RSRC1: variants seen among roughly 807,000 people sequenced by gnomAD.
RSRC1 encodes the protein arginine and serine rich coiled-coil 1.
Under a neutral mutation model 49.1 loss-of-function variants are expected in RSRC1, and 39 were observed. That is an observed-to-expected ratio of 0.79 (90% CI 0.61 to 1.04). The LOEUF is 1.04. RSRC1 is among the 50% of genes least tolerant of loss of function. RSRC1 has a pLI of 0.00. For synonymous variants in RSRC1, 143 were observed against 130.8 expected (o/e 1.09, Z -0.63); for missense variants, 388 against 402.4 (o/e 0.96, Z 0.31).
At chr3:158,503,623 T>C (rs1355031097) in intron 7 of RSRC1, among the ~76,000 whole-genome samples, 1 of 152,038 alleles carries the variant, frequency 6.6e-6, no homozygotes, top group African/African-American at 2.4e-5. Context: ...CCTAGGAGGA[T>C]TATAGCTGCC....
intron 4 of RSRC1, among the ~76,000 whole-genome samples, chr3:158,209,184 A>C (rs1721518760): frequency 6.6e-6 from 1 of 152,150 alleles, no homozygotes; most frequent in South Asian, 2.1e-4. Flanking sequence ...TGGAAACTTG[A>C]TCCAAATTGC....
At chr3:158,451,000 G>A (rs1736995464) in intron 6 of RSRC1, among the ~76,000 whole-genome samples, 1 of 151,712 alleles carries the variant, frequency 6.6e-6, no homozygotes, top group African/African-American at 2.4e-5. Flanking sequence ...TTTTGCAATT[G>A]TGATGTTCTT....
chr3:158,310,980 G>C (rs1261054303), intron 5 of RSRC1, among the ~76,000 whole-genome samples: 2 of 151,656 alleles, frequency 1.3e-5, no homozygotes, highest in African/African-American at 4.8e-5. Context: ...CTCCTCGTTT[G>C]TCAGTTTCTA....
chr3:158,293,293 T>G (rs1445628782), intron 4 of RSRC1, among the ~76,000 whole-genome samples: 1 of 152,030 alleles, frequency 6.6e-6, no homozygotes, highest in Non-Finnish European at 1.5e-5. Flanking sequence ...TACATACATA[T>G]GTGTACGTAC....
chr3:158,230,772 A>G (rs1263811390), intron 4 of RSRC1, among the ~76,000 whole-genome samples: 1 of 151,968 alleles, frequency 6.6e-6, no homozygotes, highest in Non-Finnish European at 1.5e-5. Context: ...CATTGTTTTT[A>G]TTACCGCTCT....
At chr3:158,441,835 A>G (rs769860419) in intron 6 of RSRC1, among the ~76,000 whole-genome samples, 1 of 152,124 alleles carries the variant, frequency 6.6e-6, no homozygotes, top group Non-Finnish European at 1.5e-5. Flanking sequence ...AACTTACAGT[A>G]TGCTCTAGTG....
chr3:158,199,416 T>G (rs547754930), intron 3 of RSRC1, among the ~76,000 whole-genome samples: 1 of 152,280 alleles, frequency 6.6e-6, no homozygotes, highest in East Asian at 1.9e-4. Context: ...TTGTATTTGC[T>G]CTTTTTCTTT....
At chr3:158,204,423 G>A (rs906436878) in intron 4 of RSRC1, among the ~76,000 whole-genome samples, 12 of 152,144 alleles carry the variant, frequency 7.9e-5, no homozygotes, top group Non-Finnish European at 2.9e-5. Context: ...TTATGTTCCT[G>A]TAAAATTCTG....
intron 4 of RSRC1, among the ~76,000 whole-genome samples, 171 bp downstream of exon 4, chr3:158,203,416 A>T (rs1015957403): frequency 1.3e-5 from 2 of 152,312 alleles, no homozygotes; most frequent in Admixed American, 1.3e-4. Context: ...AAATCAAAAT[A>T]GTTACCTCAG....
chr3:158,543,875 C>T lies in RSRC1; in HGVS notation c.913-308C>T, dbSNP rs568013716. Among the ~76,000 whole-genome samples the T allele has an allele frequency of 2.6e-5, 4 of 152,084 alleles. No homozygotes were observed. The East Asian group carries it at 5.8e-4, about 22-fold the overall frequency. ...CAGTGAGCACATCACTAACATCATA[C>T]TTTGCTGTCTTCCATGAAATGTTGT... On this transcript the variant is annotated intron_variant, in intron 9 of 9. Transcript: ENST00000611884.
intron 1 of RSRC1, among the ~76,000 whole-genome samples, chr3:158,112,196 T>A (rs1470911189): frequency 6.6e-6 from 1 of 152,242 alleles, no homozygotes; most frequent in Non-Finnish European, 1.5e-5. Flanking sequence ...CTGTGCTCCA[T>A]TCATCATTCA....
intron 1 of RSRC1, among the ~76,000 whole-genome samples, chr3:158,118,462 T>TGTGTGTGTGTGTGTGTGTGTGCGC (rs1491469875): frequency 7.2e-5 from 9 of 124,714 alleles, no homozygotes; most frequent in East Asian, 2.6e-4. Context: ...TGTGTGTGTG[T>TGTGTGTGTGTGTGTGTGTGTGCGC]GCGCGTGCGC....
At chr3:158,321,424 C>T (rs1179914478) in intron 5 of RSRC1, among the ~76,000 whole-genome samples, 1 of 151,678 alleles carries the variant, frequency 6.6e-6, no homozygotes, top group Non-Finnish European at 1.5e-5. Flanking sequence ...GTATATTTTG[C>T]GTGGTTTTAA....
intron 6 of RSRC1, among the ~76,000 whole-genome samples, chr3:158,375,261 A>G (rs1732300927): frequency 6.6e-6 from 1 of 151,220 alleles, no homozygotes; most frequent in Non-Finnish European, 1.5e-5. Context: ...AGGTGGCATG[A>G]TCATAGCTCA....
intron 3 of RSRC1, among the ~76,000 whole-genome samples, chr3:158,182,902 C>T (rs1028487655): frequency 6.6e-6 from 1 of 151,992 alleles, no homozygotes; most frequent in East Asian, 1.9e-4. Flanking sequence ...TGGTACTGAG[C>T]TGTATAGTAA....
chr3:158,132,674 T>G (rs1370909812), intron 3 of RSRC1, among the ~76,000 whole-genome samples: 1 of 152,220 alleles, frequency 6.6e-6, no homozygotes, highest in Non-Finnish European at 1.5e-5. Context: ...GAATCACAAT[T>G]AATTTTATAC....
chr3:158,364,825 T>C (rs1256971304), intron 6 of RSRC1, among the ~76,000 whole-genome samples: 1 of 147,882 alleles, frequency 6.8e-6, no homozygotes, highest in African/African-American at 2.5e-5. Flanking sequence ...AAAATAATAA[T>C]AATAATAATA....
At chr3:158,306,850 A>T (rs1727865207) in intron 5 of RSRC1, among the ~76,000 whole-genome samples, 1 of 151,954 alleles carries the variant, frequency 6.6e-6, no homozygotes, top group African/African-American at 2.4e-5. Context: ...CCTTTTAAGT[A>T]AATATTCAGC....
At chr3:158,290,448 A>AT (rs1023392128) in intron 4 of RSRC1, among the ~76,000 whole-genome samples, 23 of 151,288 alleles carry the variant, frequency 1.5e-4, no homozygotes, top group Non-Finnish European at 1.0e-4. Context: ...AATTTTTTGT[A>AT]TTTTTTTTAG....
Sources: gnomAD v4.1 joint callset for allele counts (sites outside exome capture counted in the v4.1 genomes callset) on GRCh38, gnomAD v4.1.1 for gene constraint, MANE v1.5 for transcripts, NCBI Gene and HGNC (gene_info 2026-07-23, HGNC 2026-07-21) for gene names.